The following APP variants were observed in gnomAD, a reference collection of about 807,000 sequenced individuals.
The protein encoded by APP is amyloid-beta precursor protein.
Under a neutral mutation model 101.4 loss-of-function variants are expected in APP, and 31 were observed. The ratio of observed to expected loss-of-function variants is 0.31; its 90% CI spans 0.23 to 0.41. The LOEUF (loss-of-function observed/expected upper bound fraction) is 0.41. Ranked by LOEUF, APP falls within the 10% of genes least tolerant of loss-of-function variation. The probability of loss-of-function intolerance (pLI) is 1.00; values close to 1 mark genes in which losing one functional copy is unlikely to be tolerated. For synonymous variants in APP, 366 were observed against 364.4 expected (o/e 1.00, Z -0.05); for missense variants, 839 against 1,003.7 (o/e 0.84, Z 2.22).
chr21:26,066,353 A>G (rs1275794015), intron 3 of APP, among the ~76,000 whole-genome samples: 1 of 152,204 alleles, frequency 6.6e-6, no homozygotes, highest in African/African-American at 2.4e-5. Flanking sequence ...TTAATTATAC[A>G]GTTTAGTGTT....
intron 1 of APP, among the ~76,000 whole-genome samples, chr21:26,152,818 T>C (rs1052465740): frequency 6.6e-6 from 1 of 152,164 alleles, no homozygotes; most frequent in Admixed American, 6.5e-5. Flanking sequence ...AAAGAAGTCA[T>C]TGTATGAAAA....
intron 8 of APP, among the ~76,000 whole-genome samples, chr21:25,996,305 G>A (rs940111164): frequency 2.6e-5 from 4 of 152,134 alleles, no homozygotes; most frequent in Non-Finnish European, 5.9e-5. Context: ...GAGAAAGAGG[G>A]GTTCCTAATG....
In APP at chr21:26,166,871, TGAGAGAGAGAGA is replaced by T. The variant is rs559340452; in HGVS notation, c.57+3681_57+3692del. 2.4e-3 allele frequency among the ~76,000 whole-genome samples: 320 copies of T among 135,288 alleles called. 1 individual carries two copies. The highest frequency in any genetic ancestry group is 4.6e-3 in the Admixed American group (62 of 13,382). 88.8% of individuals were successfully genotyped at this position (135,288 alleles called of 152,430 possible). A position where few individuals can be genotyped will look rare whatever the true frequency, so the allele number is the denominator to read the frequency against. On this transcript the variant is annotated intron_variant, in intron 1 of 17. Transcript: ENST00000346798. ...CCTGCACCAGCATCTGTCACTCAAGTGAGAGAGAGAGAGAGAGAGAGAGAGAGAGAGAGAAAG... is the reference window on the plus strand; with the variant it reads ...CCTGCACCAGCATCTGTCACTCAAGTGAGAGAGAGAGAGAGAGAGAGAAAG...
rs555419856 is a variant in APP at position 26,093,299 on chromosome 21, G to A, written c.226-3227C>T. Among the ~76,000 whole-genome samples, 14 of 152,254 alleles carry A rather than the reference G, an allele frequency of 9.2e-5. No individual in the cohort carries two copies. In the South Asian group the frequency reaches 2.9e-3, roughly 32 times the overall value. ...TGACACCTGAGAGTCCACCCTGAGG[G>A]ACATGACTTTATGTGCAGTAAAGTG... On this transcript the variant is annotated intron_variant, in intron 2 of 17. Coordinates refer to ENST00000346798, the MANE Select transcript of APP (RefSeq NM_000484.4).
chr21:26,034,951 C>A (rs1477758177), intron 5 of APP, among the ~76,000 whole-genome samples: 2 of 151,906 alleles, frequency 1.3e-5, no homozygotes, highest in Admixed American at 6.6e-5. Flanking sequence ...AAATAGGCTG[C>A]TAGGATTGAG....
At chr21:25,918,620 A>G (rs535630530) in intron 13 of APP, among the ~76,000 whole-genome samples, 8 of 151,894 alleles carry the variant, frequency 5.3e-5, no homozygotes, top group Non-Finnish European at 8.8e-5. Flanking sequence ...AAGGGGTGAC[A>G]GACGCACCTG....
At position 26,170,718 on chromosome 21, in the gene APP, C is replaced by T. The variant is rs1055341844; in HGVS notation, c.-98G>A. 1.6e-5 allele frequency: 20 copies of T among 1,274,244 alleles called. No homozygotes were observed. In the African/African-American group the frequency reaches 2.8e-4, roughly 18 times the overall value. 78.9% of individuals were successfully genotyped at this position (1,274,244 alleles called of 1,614,324 possible). A position where few individuals can be genotyped will look rare whatever the true frequency, so the allele number is the denominator to read the frequency against. On this transcript the variant is annotated 5_prime_UTR_variant, in exon 1 of 18. Coordinates refer to ENST00000346798, the MANE Select transcript of APP (RefSeq NM_000484.4). ...CGCCACCGCCGCCGTCTCCCGGGGC[C>T]CCCGCGCACGCTCCTCCGCGTGCTC...
intron 5 of APP, among the ~76,000 whole-genome samples, chr21:26,023,129 C>T (rs748717883): frequency 2.4e-4 from 37 of 152,176 alleles, no homozygotes; most frequent in Non-Finnish European, 4.1e-4. Flanking sequence ...TATTTAGTTG[C>T]GTACCCTATG....
At chr21:25,912,896 A>T (rs979824312) in intron 13 of APP, among the ~76,000 whole-genome samples, 8 of 136,088 alleles carry the variant, frequency 5.9e-5, no homozygotes, top group Admixed American at 5.0e-4. Flanking sequence ...GTCTTCTCTT[A>T]TGTCACCAAA....
At chr21:25,957,794 C>A (rs551548312) in intron 11 of APP, among the ~76,000 whole-genome samples, 1 of 151,938 alleles carries the variant, frequency 6.6e-6, no homozygotes, top group South Asian at 2.1e-4. Context: ...CCAGCCTGGA[C>A]AACATTACAA....
At chr21:26,136,642 G>C (rs2062924850) in intron 1 of APP, among the ~76,000 whole-genome samples, 1 of 151,912 alleles carries the variant, frequency 6.6e-6, no homozygotes, top group South Asian at 2.1e-4. Context: ...TTCTTTTCAG[G>C]AATGTTATCA....
intron 8 of APP, among the ~76,000 whole-genome samples, chr21:25,995,636 C>G (rs1246629213): frequency 6.6e-6 from 1 of 152,216 alleles, no homozygotes; most frequent in Non-Finnish European, 1.5e-5. Context: ...ACTCAACATG[C>G]GTACCTATGT....
chr21:26,056,058 A>G (rs2046028607), intron 3 of APP, among the ~76,000 whole-genome samples: 1 of 152,226 alleles, frequency 6.6e-6, no homozygotes, highest in Non-Finnish European at 1.5e-5. Flanking sequence ...TTGTTTTCAG[A>G]CAAGGTCTCA....
At chr21:26,073,189 A>G (rs1016940249) in intron 3 of APP, among the ~76,000 whole-genome samples, 1 of 152,122 alleles carries the variant, frequency 6.6e-6, no homozygotes, top group Non-Finnish European at 1.5e-5. Context: ...TTAAACACTG[A>G]TATTTAGAAT....
In APP at chr21:26,051,050, A is replaced by T. The variant is rs2146905191; in HGVS notation, c.612T>A (p.Asp204Glu). Residue 204 changes from aspartate (D) to glutamate (E), a missense_variant, in exon 5 of 18, where the codon GAT (aspartate) becomes GAA (glutamate). Asp to Glu is a conservative substitution (Grantham distance 45). Transcript: ENST00000346798. ...DNVDSADAEE[D>E]DSDVWWGGAD... ...CTCCGCCCCACCAGACATCCGAGTC[A>T]TCCTCCTCCGCATCAGCAGAATCCA... The T allele has an allele frequency of 6.2e-7, 1 of 1,614,192 alleles. No homozygotes were observed. Among genetic ancestry groups the T allele is most frequent in the Middle Eastern group, 1.6e-4 (1 of 6,062 alleles).
intron 2 of APP, among the ~76,000 whole-genome samples, chr21:26,095,513 T>C (rs2061922793): frequency 6.6e-6 from 1 of 152,014 alleles, no homozygotes; most frequent in African/African-American, 2.4e-5. Flanking sequence ...TATTCTATTA[T>C]TAGTTGTTGT....
chr21:25,913,856 C>T (rs1601385538), intron 13 of APP, among the ~76,000 whole-genome samples: 2 of 152,156 alleles, frequency 1.3e-5, no homozygotes, highest in East Asian at 3.9e-4. Flanking sequence ...TCTCTTTCTA[C>T]AATTCTCCCC....
In APP at chr21:26,048,401, A is replaced by G. The variant is rs572258477; in HGVS notation, c.662+2599T>C. ...TCTTTGCTAAAAGATGGGAGGCTCTATAACAGGGCCTATAGAAAAAAAAAG... is the reference window on the plus strand; with the variant it reads ...TCTTTGCTAAAAGATGGGAGGCTCTGTAACAGGGCCTATAGAAAAAAAAAG... On this transcript the variant is annotated intron_variant, in intron 5 of 17. Transcript: ENST00000346798. Among the ~76,000 whole-genome samples the G allele has an allele frequency of 2.0e-5, 3 of 152,236 alleles. No homozygotes were observed. The East Asian group carries it at 5.8e-4, about 29-fold the overall frequency.
chr21:26,162,430 A>C (rs1601601559), intron 1 of APP, among the ~76,000 whole-genome samples: 1 of 152,344 alleles, frequency 6.6e-6, no homozygotes, highest in Admixed American at 6.5e-5. Flanking sequence ...TAATGGATAA[A>C]GCCATTTTCT....
Sources: gnomAD v4.1 joint callset for allele counts (sites outside exome capture counted in the v4.1 genomes callset) on GRCh38, gnomAD v4.1.1 for gene constraint, MANE v1.5 for transcripts, NCBI Gene and HGNC (gene_info 2026-07-23, HGNC 2026-07-21) for gene names.